PAX6: variants seen among roughly 807,000 people sequenced by gnomAD.
PAX6 encodes paired box 6, also known as paired box protein Pax-6.
In PAX6, 7 loss-of-function variants were observed where a neutral mutation model predicts 60.7. That is an observed-to-expected ratio of 0.12 (90% CI 0.07 to 0.22). The LOEUF (loss-of-function observed/expected upper bound fraction) is 0.22. Ranked by LOEUF, PAX6 falls within the 10% of genes least tolerant of loss-of-function variation. The pLI is 1.00. For missense variants in PAX6, 355 were observed against 555.2 expected (o/e 0.64, Z 3.62); for synonymous variants, 208 against 201.2 (o/e 1.03, Z -0.29).
intron 4 of PAX6, chr11:31,806,125 T>G: frequency 2.1e-6 from 1 of 472,670 alleles, no homozygotes. Context: ...GTTACAGGAT[T>G]TGGGGGGGAT....
In PAX6 at chr11:31,798,949, GC is replaced by G. The variant is rs747934867; in HGVS notation, c.565+1741del. Among the ~76,000 whole-genome samples the G allele has an allele frequency of 1.1e-3, 169 of 152,342 alleles. 1 individual carries two copies. Among genetic ancestry groups the G allele is most frequent in the Non-Finnish European group, 1.8e-3 (121 of 68,038 alleles). On this transcript the variant is annotated intron_variant, in intron 8 of 13. Transcript: ENST00000640368. ...CATGGGAGCCCACGCACCGGGGAGA[GC>G]CCGGAGTGGAGGCTCTGGGCTCAGC...
Position 31,806,469 on chromosome 11 carries a change from GC to G in PAX6, c.-51-8del. The G allele has an allele frequency of 6.3e-7, 1 of 1,589,310 alleles. No homozygotes were observed. The highest frequency in any genetic ancestry group is 8.6e-7 in the Non-Finnish European group (1 of 1,167,078). On this transcript the variant is annotated splice_region_variant and splice_polypyrimidine_tract_variant and intron_variant, in intron 3 of 13. Transcript: ENST00000640368. Reference sequence around the variant, plus strand: ...GGGGCTCGAATATGGGGCTCTGTTAGCAAGAAAATAGGAGTTAATCCTCGGG... The same window carrying G: ...GGGGCTCGAATATGGGGCTCTGTTAGAAGAAAATAGGAGTTAATCCTCGGG...
intron 8 of PAX6, among the ~76,000 whole-genome samples, chr11:31,795,146 GA>G (rs1260862603): frequency 5.3e-5 from 8 of 152,172 alleles, no homozygotes; most frequent in African/African-American, 1.9e-4. Flanking sequence ...GCTGTGTTGG[GA>G]AAATAGAAGA....
intron 8 of PAX6, among the ~76,000 whole-genome samples, chr11:31,797,399 G>A (rs1308287388): frequency 1.3e-5 from 2 of 151,824 alleles, no homozygotes; most frequent in Admixed American, 1.3e-4. Flanking sequence ...ACATACACAC[G>A]GGTTTACACA....
chr11:31,805,086 A>G (rs1004192247), intron 4 of PAX6: 6 of 152,282 alleles, frequency 3.9e-5, no homozygotes, highest in Admixed American at 6.5e-5. Flanking sequence ...TATGGTGTCA[A>G]TTTGGATGCT....
chr11:31,817,646 C>T (rs1957442184), intron 1 of PAX6, among the ~76,000 whole-genome samples: 1 of 152,266 alleles, frequency 6.6e-6, no homozygotes, highest in Admixed American at 6.5e-5. Context: ...CTTCCTATCC[C>T]TCCCTCAGTA....
intron 7 of PAX6, chr11:31,801,292 T>C (rs1953748969): frequency 7.1e-7 from 1 of 1,407,316 alleles, no homozygotes; most frequent in African/African-American, 1.4e-5. Context: ...ATTTTCCTTC[T>C]TCATTCAAGT....
Position 31,789,912 on chromosome 11 carries a change from C to CTTTTTTTTTTTT in PAX6, c.*10_*21dup. 3 of 1,045,992 alleles carry CTTTTTTTTTTTT rather than the reference C, an allele frequency of 2.9e-6. No homozygotes were observed. Among genetic ancestry groups the CTTTTTTTTTTTT allele is most frequent in the Admixed American group, 2.3e-5 (1 of 43,874 alleles). The allele number at this position is 1,045,992 out of a possible 1,614,324, so 64.8% of individuals were successfully genotyped here. Reference sequence around the variant, plus strand: ...CTGAATTAACACAATATTTCCTTTCCTTTTTTTTTTTTTTTTTTTTTTTAC... The same window carrying CTTTTTTTTTTTT: ...CTGAATTAACACAATATTTCCTTTCCTTTTTTTTTTTTTTTTTTTTTTTTTTTTTTTTTTTAC... On this transcript the variant is annotated 3_prime_UTR_variant, in exon 14 of 14. Coordinates refer to ENST00000640368, the MANE Select transcript of PAX6 (RefSeq NM_001368894.2).
rs1047492841 is a variant in PAX6, at chr11:31,806,469, G to C, written c.-51-7C>G. 3 of 1,589,192 alleles carry C rather than the reference G, an allele frequency of 1.9e-6. No homozygotes were observed. In the African/African-American group the frequency reaches 4.0e-5, roughly 21 times the overall value. The stretch of plus-strand genomic sequence containing the variant: ...GGGGCTCGAATATGGGGCTCTGTTA[G>C]CAAGAAAATAGGAGTTAATCCTCGG... On this transcript the variant is annotated splice_region_variant and splice_polypyrimidine_tract_variant and intron_variant, in intron 3 of 13. Coordinates refer to ENST00000640368, the MANE Select transcript of PAX6 (RefSeq NM_001368894.2).
intron 5 of PAX6, chr11:31,802,343 A>T: frequency 3.1e-6 from 1 of 317,732 alleles, no homozygotes; most frequent in Non-Finnish European, 5.8e-6. Context: ...GGCTGGGGAG[A>T]GCAGAATGAA....
intron 4 of PAX6, chr11:31,803,857 G>T (rs1954911163): frequency 6.6e-6 from 1 of 152,354 alleles, no homozygotes; most frequent in African/African-American, 2.4e-5. Flanking sequence ...AGAGAATAGG[G>T]AGAGGGAGTT....
chr11:31,801,387 C>A, intron 7 of PAX6, 174 bp downstream of exon 7: 1 of 1,501,508 alleles, frequency 6.7e-7, no homozygotes, highest in South Asian at 1.3e-5. Flanking sequence ...ATTTTCCAGA[C>A]AGTCAAAGAA....
chr11:31,801,333 T>A, intron 7 of PAX6: 1 of 1,444,822 alleles, frequency 6.9e-7, no homozygotes, highest in Non-Finnish European at 9.1e-7. Flanking sequence ...CCCTCTGTTT[T>A]GCAGCATGCA....
At position 31,817,160 on chromosome 11, in the gene PAX6, G is replaced by T. The variant is rs565677841; in HGVS notation, c.-317+649C>A. Among the ~76,000 whole-genome samples the T allele has an allele frequency of 3.3e-5, 5 of 152,392 alleles. No individual in the cohort carries two copies. In the South Asian group the frequency reaches 8.3e-4, roughly 25 times the overall value. On this transcript the variant is annotated intron_variant, in intron 1 of 12. Transcript: ENST00000241001. The stretch of plus-strand genomic sequence containing the variant: ...TAACCGGAGCCCGCGTTCTAGCTCA[G>T]TGAGAATCGCTAATTATTAGGTCTT...
At position 31,800,812 on chromosome 11, in the gene PAX6, C is replaced by G. The variant is rs2135049740; in HGVS notation, c.444G>C (p.Lys148Asn). ...ACATGCCGTCTGCGCCCATCTGTTGCTTTTCGCTAGCCAGGTTGCGAAGAA... is the reference window on the plus strand; with the variant it reads ...ACATGCCGTCTGCGCCCATCTGTTGGTTTTCGCTAGCCAGGTTGCGAAGAA... ...NRVLRNLASE[K>N]QQMGADGMYD... The change falls in exon 8 of 14, where the codon AAG (lysine) becomes AAC (asparagine). Residue 148 changes from lysine to asparagine, a missense_variant. By Grantham distance (94) the Lys-to-Asn change is moderately conservative. This residue lies in a region of PAX6 where 143 missense variants were observed against 183.6 expected (regional missense o/e 0.78). Coordinates refer to ENST00000640368, the MANE Select transcript of PAX6 (RefSeq NM_001368894.2). The G allele has an allele frequency of 6.2e-7, 1 of 1,614,194 alleles. No individual in the cohort carries two copies. Among genetic ancestry groups the G allele is most frequent in the African/African-American group, 1.3e-5 (1 of 75,052 alleles).
intron 12 of PAX6, chr11:31,791,084 A>C (rs1949799461): frequency 6.3e-6 from 4 of 639,846 alleles, no homozygotes; most frequent in South Asian, 3.3e-5. Context: ...CCTCTAAAGC[A>C]CTTTAGGTTC....
At chr11:31,814,167 T>G (rs1957263051), upstream of PAX6, 1 of 152,042 alleles carries the variant, frequency 6.6e-6, no homozygotes, top group African/African-American at 2.4e-5. Flanking sequence ...AGGGAGGACC[T>G]CTCAGGCCGG....
chr11:31,790,118 AAAC>A, intron 13 of PAX6, 99 bp from the exon 14 acceptor site: 1 of 779,398 alleles, frequency 1.3e-6, no homozygotes, highest in Non-Finnish European at 2.1e-6. Flanking sequence ...AAAAAAAAAA[AAAC>A]TAATACTTTC....
intron 8 of PAX6, 141 bp downstream of exon 8, chr11:31,800,550 T>G: frequency 1.0e-6 from 1 of 1,002,156 alleles, no homozygotes; most frequent in Non-Finnish European, 1.6e-6. Context: ...ATGTGGTCGA[T>G]GTGTCCCAGG....
Sources: gnomAD v4.1 joint callset for allele counts (sites outside exome capture counted in the v4.1 genomes callset) on GRCh38, gnomAD v4.1.1 for gene constraint, gnomAD v4.1.1 regional missense constraint, MANE v1.5 for transcripts, NCBI Gene and HGNC (gene_info 2026-07-23, HGNC 2026-07-21) for gene names.